Variants in IRAG2 observed in about 807,000 individuals in gnomAD.
IRAG2 encodes inositol 1,4,5-triphosphate receptor associated 2, also known as lymphoid restricted membrane protein.
IRAG2 carries 45 observed loss-of-function variants against 69.9 expected under a neutral mutation model. The ratio of observed to expected loss-of-function variants is 0.64; its 90% CI spans 0.51 to 0.83. The LOEUF (loss-of-function observed/expected upper bound fraction) is 0.83. Among genes scored for constraint, IRAG2 ranks in the 40% least tolerant of loss-of-function variants. IRAG2 has a pLI of 0.00. For missense variants in IRAG2, 520 were observed against 587.0 expected (o/e 0.89, Z 1.18); for synonymous variants, 193 against 202.4 (o/e 0.95, Z 0.40).
chr12:25,027,102 A>G (rs1431384371), intron 9 of IRAG2, among the ~76,000 whole-genome samples: 1 of 151,950 alleles, frequency 6.6e-6, no homozygotes, highest in African/African-American at 2.4e-5. Context: ...CTTAAAGTAT[A>G]CAAGTCAGTG....
upstream of IRAG2, among the ~76,000 whole-genome samples, chr12:25,048,392 G>C (rs995349244): frequency 6.6e-6 from 1 of 152,074 alleles, no homozygotes; most frequent in Admixed American, 6.6e-5. Flanking sequence ...CACCTCCCAG[G>C]TTCAAGCGAT....
At chr12:25,102,064 A>G (rs939520555) in intron 16 of IRAG2, 134 bp from the exon 17 acceptor site, 2 of 717,358 alleles carry the variant, frequency 2.8e-6, no homozygotes, top group Non-Finnish European at 5.1e-6. Flanking sequence ...ATAAACAGAT[A>G]TTTATATTGC....
intron 8 of IRAG2, chr12:25,023,975 G>T: frequency 1.0e-6 from 1 of 985,798 alleles, no homozygotes; most frequent in Non-Finnish European, 1.3e-6. Context: ...TCATATCATC[G>T]TGGTTTATGG....
chr12:25,021,343 A>G (rs1944578956), intron 7 of IRAG2, among the ~76,000 whole-genome samples: 3 of 152,148 alleles, frequency 2.0e-5, no homozygotes, highest in Non-Finnish European at 4.4e-5. Flanking sequence ...AAACCCAGAA[A>G]ATATCTGGAA....
intron 9 of IRAG2, among the ~76,000 whole-genome samples, chr12:25,080,698 T>C (rs983961740): frequency 2.0e-5 from 3 of 152,190 alleles, no homozygotes; most frequent in Admixed American, 6.5e-5. Flanking sequence ...AAGTTTGAGA[T>C]AGAGGTGCTA....
At chr12:25,100,129 A>T (rs1948671651) in intron 15 of IRAG2, among the ~76,000 whole-genome samples, 1 of 152,020 alleles carries the variant, frequency 6.6e-6, no homozygotes, top group South Asian at 2.1e-4. Context: ...GGGAAATACA[A>T]ATCAAAACCA....
chr12:25,040,878 G>A (rs1944742940), intron 16 of IRAG2, among the ~76,000 whole-genome samples: 1 of 152,178 alleles, frequency 6.6e-6, no homozygotes, highest in African/African-American at 2.4e-5. Flanking sequence ...AGAAATCTCT[G>A]CCTCTATGAA....
chr12:25,043,510 G>A (rs970485958), intron 16 of IRAG2, among the ~76,000 whole-genome samples: 5 of 152,194 alleles, frequency 3.3e-5, no homozygotes, highest in Non-Finnish European at 5.9e-5. Flanking sequence ...CTAGGTCTCA[G>A]CTTCTTTCCA....
chr12:25,019,158 C>T (rs1944556199), intron 6 of IRAG2, among the ~76,000 whole-genome samples: 1 of 152,176 alleles, frequency 6.6e-6, no homozygotes, highest in African/African-American at 2.4e-5. Context: ...CCTGTGGCAG[C>T]ATCTAGGGGT....
intron 9 of IRAG2, among the ~76,000 whole-genome samples, chr12:25,080,342 C>T (rs1164443638): frequency 2.0e-5 from 3 of 149,220 alleles, no homozygotes; most frequent in South Asian, 4.2e-4. Context: ...AAAATTCATT[C>T]TTTTTCTTTT....
intron 10 of IRAG2, among the ~76,000 whole-genome samples, chr12:25,087,762 C>T (rs1947736037): frequency 1.3e-5 from 2 of 152,100 alleles, no homozygotes; most frequent in African/African-American, 4.8e-5. Flanking sequence ...AACATGACCA[C>T]CTGACCTCTG....
intron 10 of IRAG2, chr12:25,030,959 C>A: frequency 1.1e-6 from 1 of 883,054 alleles, no homozygotes; most frequent in Non-Finnish European, 1.4e-6. Flanking sequence ...TAGATAGATA[C>A]ATAGATAGAT....
chr12:25,087,466 C>T (rs1337215868), intron 10 of IRAG2, among the ~76,000 whole-genome samples: 2 of 152,130 alleles, frequency 1.3e-5, no homozygotes, highest in Non-Finnish European at 1.5e-5. Context: ...CAGCGCCCTG[C>T]CATTTCCTTC....
At chr12:25,056,353 A>C (rs1396399731) in intron 1 of IRAG2, among the ~76,000 whole-genome samples, 1 of 152,106 alleles carries the variant, frequency 6.6e-6, no homozygotes, top group Non-Finnish European at 1.5e-5. Flanking sequence ...TTGCTCAACA[A>C]CTCTGATAGG....
intron 7 of IRAG2, among the ~76,000 whole-genome samples, chr12:25,022,202 G>A (rs1944586620): frequency 6.6e-6 from 1 of 152,210 alleles, no homozygotes; most frequent in Admixed American, 6.5e-5. Context: ...TTAGGAATTG[G>A]TAATGTTAAA....
chr12:25,054,534 C>G (rs1945104874), intron 1 of IRAG2, among the ~76,000 whole-genome samples: 1 of 152,126 alleles, frequency 6.6e-6, no homozygotes, highest in East Asian at 1.9e-4. Flanking sequence ...TATGAACTTG[C>G]TATTGTTGTC....
At chr12:25,021,284 G>C (rs780197326) in intron 7 of IRAG2, among the ~76,000 whole-genome samples, 2 of 150,958 alleles carry the variant, frequency 1.3e-5, no homozygotes, top group East Asian at 1.9e-4. Context: ...TTTCAATCAA[G>C]ATTTAAATTT....
intron 9 of IRAG2, among the ~76,000 whole-genome samples, chr12:25,027,123 C>T (rs763792610): frequency 3.3e-5 from 5 of 151,416 alleles, no homozygotes; most frequent in Admixed American, 6.6e-5. Flanking sequence ...TGTTTTAGTA[C>T]GTTCACAGAG....
Position 25,077,253 on chromosome 12 carries a change from G to GAT in IRAG2, c.25-1982_25-1981dup, listed in dbSNP as rs1491260721. Among the ~76,000 whole-genome samples, 5 of 22,940 alleles carry GAT rather than the reference G, an allele frequency of 2.2e-4. 1 individual carries two copies. The highest frequency in any genetic ancestry group is 5.9e-4 in the African/African-American group (4 of 6,798). The allele number at this position is 22,940 out of a possible 152,430, so 15.0% of individuals were successfully genotyped here. On this transcript the variant is annotated intron_variant, in intron 6 of 21. Transcript: ENST00000556887. ...TGATATATATATGAAATATATATAT[G>GAT]ATATATATATGAAATATATATGAAA...
Sources: gnomAD v4.1 joint callset for allele counts (sites outside exome capture counted in the v4.1 genomes callset) on GRCh38, gnomAD v4.1.1 for gene constraint, MANE v1.5 for transcripts, NCBI Gene and HGNC (gene_info 2026-07-23, HGNC 2026-07-21) for gene names.